SLC41A3: variants seen among roughly 807,000 people sequenced by gnomAD.
SLC41A3 encodes SLC41A1-like 2.
Under a neutral mutation model 45.4 loss-of-function variants are expected in SLC41A3, and 44 were observed. That is an observed-to-expected ratio of 0.97 (90% CI 0.76 to 1.25). The LOEUF (loss-of-function observed/expected upper bound fraction) is 1.25, where lower values mean the gene tolerates loss of function less well. SLC41A3 is among the 50% of genes most tolerant of loss of function. The pLI, the probability that SLC41A3 is intolerant of heterozygous loss-of-function variation, is 0.00. For missense variants in SLC41A3, 550 were observed against 600.6 expected, an observed-to-expected ratio of 0.92 and a Z score of 0.88; for synonymous variants, 256 against 252.4, an observed-to-expected ratio of 1.01 and a Z score of -0.13.
At chr3:126,014,552 A>G (rs1940072723) in intron 8 of SLC41A3, among the ~76,000 whole-genome samples, 1 of 152,254 alleles carries the variant, frequency 6.6e-6, no homozygotes, top group Non-Finnish European at 1.5e-5. Context: ...CTCCAACGTA[A>G]TAAGCCCTCT....
intron 1 of SLC41A3, among the ~76,000 whole-genome samples, chr3:126,092,255 A>C (rs949633807): frequency 2.0e-5 from 3 of 152,236 alleles, no homozygotes; most frequent in Non-Finnish European, 4.4e-5. Flanking sequence ...TGGCCCACCC[A>C]GGGTGGAAAA....
intron 5 of SLC41A3, chr3:126,024,352 C>A (rs1207178470): frequency 6.6e-6 from 1 of 152,240 alleles, no homozygotes; most frequent in Admixed American, 6.5e-5. Flanking sequence ...AGACTTTATG[C>A]TGAGGGTCTC....
intron 5 of SLC41A3, chr3:126,024,772 A>C (rs1361597209): frequency 6.6e-6 from 1 of 152,294 alleles, no homozygotes; most frequent in Non-Finnish European, 1.5e-5. Flanking sequence ...GAAGATTCAC[A>C]AAGACACGTG....
At chr3:126,010,713 C>T (rs1939620728) in intron 9 of SLC41A3, among the ~76,000 whole-genome samples, 1 of 152,234 alleles carries the variant, frequency 6.6e-6, no homozygotes, top group Non-Finnish European at 1.5e-5. Flanking sequence ...AATGGGGCCC[C>T]CACCTTGTCA....
At chr3:126,029,865 C>T (rs998266074) in intron 4 of SLC41A3, among the ~76,000 whole-genome samples, 2 of 151,862 alleles carry the variant, frequency 1.3e-5, no homozygotes, top group Non-Finnish European at 2.9e-5. Context: ...AACACAGCCC[C>T]ATAAAAGAAC....
At chr3:126,016,109 G>A (rs1184773167) in intron 7 of SLC41A3, among the ~76,000 whole-genome samples, 3 of 152,188 alleles carry the variant, frequency 2.0e-5, no homozygotes, top group South Asian at 2.1e-4. Flanking sequence ...CTACTCTATC[G>A]CCTCTTCTCC....
At chr3:126,083,263 C>G (rs1453633616) in intron 1 of SLC41A3, among the ~76,000 whole-genome samples, 1 of 152,100 alleles carries the variant, frequency 6.6e-6, no homozygotes, top group African/African-American at 2.4e-5. Context: ...CTGGGGAACC[C>G]GCATTTCTAG....
At chr3:126,051,758 T>G (rs1943352244) in intron 2 of SLC41A3, among the ~76,000 whole-genome samples, 1 of 152,164 alleles carries the variant, frequency 6.6e-6, no homozygotes, top group Admixed American at 6.5e-5. Context: ...TCCTACTGAT[T>G]TATTTTGCCT....
chr3:126,013,795 TGGGTGTGTGCCC>T (rs1939974853), intron 8 of SLC41A3, among the ~76,000 whole-genome samples: 1 of 152,090 alleles, frequency 6.6e-6, no homozygotes, highest in South Asian at 2.1e-4. Flanking sequence ...ATAGATGCTT[TGGGTGTGTGCCC>T]AGAGCAAGTG....
At chr3:126,012,542 A>G in intron 9 of SLC41A3, 73 bp downstream of exon 9, 1 of 1,585,166 alleles carries the variant, frequency 6.3e-7, no homozygotes, top group South Asian at 1.1e-5. Flanking sequence ...TACAAACACC[A>G]GATTCCAATG....
intron 1 of SLC41A3, among the ~76,000 whole-genome samples, chr3:126,091,571 G>C (rs539460055): frequency 7.2e-5 from 11 of 152,174 alleles, no homozygotes; most frequent in Non-Finnish European, 1.3e-4. Context: ...TGGAGGCCAA[G>C]GTTTTTTTAT....
intron 8 of SLC41A3, among the ~76,000 whole-genome samples, chr3:126,013,879 C>A (rs1939984613): frequency 6.6e-6 from 1 of 152,112 alleles, no homozygotes; most frequent in Non-Finnish European, 1.5e-5. Flanking sequence ...GAACACAGAA[C>A]CCTAGAGGCA....
upstream of SLC41A3, among the ~76,000 whole-genome samples, chr3:126,088,561 T>C (rs1945436279): frequency 6.6e-6 from 1 of 152,142 alleles, no homozygotes; most frequent in Admixed American, 6.5e-5. Context: ...CTTCGCTAGT[T>C]AAAAAACTAC....
At chr3:126,074,829 T>G (rs1675959463) in intron 1 of SLC41A3, among the ~76,000 whole-genome samples, 1 of 152,234 alleles carries the variant, frequency 6.6e-6, no homozygotes, top group African/African-American at 2.4e-5. Context: ...TACAGGTATA[T>G]TCCACCATGC....
At chr3:126,089,240 A>G (rs1043837528), upstream of SLC41A3, among the ~76,000 whole-genome samples, 9 of 152,148 alleles carry the variant, frequency 5.9e-5, no homozygotes, top group Admixed American at 1.3e-4. Context: ...CAAATTTGCT[A>G]TCCCTCATGA....
chr3:126,093,551 G>C (rs1175003109), intron 1 of SLC41A3, among the ~76,000 whole-genome samples: 1 of 152,226 alleles, frequency 6.6e-6, no homozygotes, highest in Non-Finnish European at 1.5e-5. Flanking sequence ...AGGAGTCTGT[G>C]GACCCTTGCC....
Position 126,081,893 on chromosome 3 carries a change from G to A in SLC41A3, c.-28+2200C>T, listed in dbSNP as rs541442624. ...GCTTGGTGACAGCAAACACCAGAGCGGCAGGTGCTGGCGCAGCCCTGATCC... is the reference window on the plus strand; with the variant it reads ...GCTTGGTGACAGCAAACACCAGAGCAGCAGGTGCTGGCGCAGCCCTGATCC... On this transcript the variant is annotated intron_variant, in intron 1 of 10. Transcript: ENST00000360370. Among the ~76,000 whole-genome samples the A allele has an allele frequency of 4.1e-4, 63 of 152,362 alleles. 1 individual carries two copies. Among genetic ancestry groups the A allele is most frequent in the East Asian group, 2.1e-3 (11 of 5,190 alleles).
intron 9 of SLC41A3, among the ~76,000 whole-genome samples, chr3:126,012,045 C>T (rs895934327): frequency 1.3e-5 from 2 of 152,226 alleles, no homozygotes; most frequent in African/African-American, 4.8e-5. Flanking sequence ...CCTCTCTGGC[C>T]TCAGCCTCCT....
At chr3:126,082,791 A>AAGGCAGGCAGGC (rs36039407) in intron 1 of SLC41A3, among the ~76,000 whole-genome samples, 2 of 151,940 alleles carry the variant, frequency 1.3e-5, no homozygotes, top group Admixed American at 1.3e-4. Context: ...GGCTCGCCCA[A>AAGGCAGGCAGGC]AGGCAGGCAG....
Sources: gnomAD v4.1 joint callset for allele counts (sites outside exome capture counted in the v4.1 genomes callset) on GRCh38, gnomAD v4.1.1 for gene constraint, MANE v1.5 for transcripts, NCBI Gene and HGNC (gene_info 2026-07-23, HGNC 2026-07-21) for gene names.